Variants in PLEKHM3 observed in about 807,000 individuals in gnomAD.
PLEKHM3 encodes pleckstrin homology domain-containing family M member 3.
PLEKHM3 carries 45 observed loss-of-function variants against 81.8 expected under a neutral mutation model. That is an observed-to-expected ratio of 0.55 (90% CI 0.43 to 0.71). The LOEUF (loss-of-function observed/expected upper bound fraction) is 0.71, where lower values mean the gene tolerates loss of function less well. Ranked by LOEUF, PLEKHM3 falls within the 30% of genes least tolerant of loss-of-function variation. PLEKHM3 has a pLI of 0.00. For missense variants in PLEKHM3, 788 were observed against 924.3 expected, an observed-to-expected ratio of 0.85 and a Z score of 1.91; for synonymous variants, 352 against 356.4, an observed-to-expected ratio of 0.99 and a Z score of 0.14.
intron 6 of PLEKHM3, among the ~76,000 whole-genome samples, chr2:207,874,235 C>T (rs1384028430): frequency 1.3e-5 from 2 of 152,084 alleles, no homozygotes; most frequent in South Asian, 2.1e-4. Flanking sequence ...AGTTGTTAGC[C>T]ATCAGGGAAA....
intron 3 of PLEKHM3, among the ~76,000 whole-genome samples, chr2:207,955,741 G>A (rs1170014435): frequency 1.3e-5 from 2 of 151,846 alleles, no homozygotes; most frequent in Non-Finnish European, 2.9e-5. Flanking sequence ...TAAGACATTA[G>A]AAAAACTGTC....
chr2:207,831,597 G>C (rs2092288375), intron 7 of PLEKHM3, among the ~76,000 whole-genome samples: 1 of 152,194 alleles, frequency 6.6e-6, no homozygotes, highest in Non-Finnish European at 1.5e-5. Flanking sequence ...ACTAAAATGA[G>C]AAATATACTT....
intron 5 of PLEKHM3, among the ~76,000 whole-genome samples, chr2:207,918,521 CAACA>C (rs537716018): frequency 5.6e-4 from 85 of 151,600 alleles, no homozygotes; most frequent in African/African-American, 6.3e-4. Context: ...GACTCTGTCT[CAACA>C]AACAAACAAA....
intron 4 of PLEKHM3, among the ~76,000 whole-genome samples, chr2:207,941,466 T>C (rs1689937887): frequency 6.6e-6 from 1 of 151,900 alleles, no homozygotes; most frequent in African/African-American, 2.4e-5. Flanking sequence ...TATACAAAAA[T>C]CAAATAAAAA....
intron 7 of PLEKHM3, 43 bp from the exon 8 acceptor site, chr2:207,828,539 A>G (rs758827238): frequency 9.5e-6 from 15 of 1,579,624 alleles, no homozygotes; most frequent in Non-Finnish European, 1.2e-5. Flanking sequence ...GACTGAAGCC[A>G]GCAAGACACA....
chr2:207,946,553 C>A (rs776491290), intron 3 of PLEKHM3, 41 bp from the exon 4 acceptor site: 10 of 1,603,380 alleles, frequency 6.2e-6, no homozygotes, highest in African/African-American at 1.3e-5. Context: ...TGCTGTTGTA[C>A]TTTTAACACT....
At chr2:207,877,432 C>T (rs1416019025) in intron 6 of PLEKHM3, among the ~76,000 whole-genome samples, 1 of 152,212 alleles carries the variant, frequency 6.6e-6, no homozygotes, top group Non-Finnish European at 1.5e-5. Context: ...AGAGGGAAAC[C>T]ATCCACCGGG....
intron 7 of PLEKHM3, among the ~76,000 whole-genome samples, chr2:207,858,992 CTA>C (rs1447589772): frequency 1.3e-5 from 2 of 152,098 alleles, no homozygotes; most frequent in Non-Finnish European, 2.9e-5. Context: ...AACCGCTAAT[CTA>C]TTCTCTTTAT....
chr2:207,891,434 TTAAA>T (rs1260841356), intron 6 of PLEKHM3, among the ~76,000 whole-genome samples: 1 of 152,182 alleles, frequency 6.6e-6, no homozygotes, highest in Non-Finnish European at 1.5e-5. Flanking sequence ...AGGCATAAGT[TTAAA>T]TAAATTTCTT....
chr2:207,839,510 C>CT (rs1373804757), intron 7 of PLEKHM3, among the ~76,000 whole-genome samples: 1 of 152,128 alleles, frequency 6.6e-6, no homozygotes, highest in Non-Finnish European at 1.5e-5. Context: ...CTCTCTAAGA[C>CT]AATGCTCTTC....
At chr2:207,877,711 T>C (rs1399648067) in intron 6 of PLEKHM3, among the ~76,000 whole-genome samples, 1 of 152,194 alleles carries the variant, frequency 6.6e-6, no homozygotes, top group Non-Finnish European at 1.5e-5. Context: ...AAATGTTAAA[T>C]ATATTACTCA....
At chr2:207,916,467 C>T (rs1021692615) in intron 5 of PLEKHM3, among the ~76,000 whole-genome samples, 35 of 152,082 alleles carry the variant, frequency 2.3e-4, no homozygotes, top group African/African-American at 5.8e-4. Context: ...AGGCCGGGCA[C>T]GGTGGCTCAC....
chr2:207,889,897 G>A (rs1411398893), intron 6 of PLEKHM3, among the ~76,000 whole-genome samples: 5 of 152,104 alleles, frequency 3.3e-5, no homozygotes, highest in African/African-American at 1.2e-4. Flanking sequence ...TCTGTCTCCC[G>A]GGTTCAAGTG....
chr2:208,017,548 T>C (rs934695265), intron 1 of PLEKHM3, among the ~76,000 whole-genome samples: 2 of 152,174 alleles, frequency 1.3e-5, no homozygotes, highest in Non-Finnish European at 2.9e-5. Flanking sequence ...ACGGAATATC[T>C]CTTCTCAAAA....
intron 6 of PLEKHM3, among the ~76,000 whole-genome samples, chr2:207,890,828 G>C (rs1031150903): frequency 6.6e-6 from 1 of 152,114 alleles, no homozygotes; most frequent in Non-Finnish European, 1.5e-5. Context: ...ATTGCTTTTG[G>C]AGGATATGAT....
chr2:207,936,856 T>TGTG (rs1157966476), intron 4 of PLEKHM3, among the ~76,000 whole-genome samples: 1 of 150,570 alleles, frequency 6.6e-6, no homozygotes, highest in African/African-American at 2.4e-5. Flanking sequence ...AGTGTGTGTG[T>TGTG]GTGTGTGTGT....
In PLEKHM3 at chr2:207,861,392, T is replaced by C. The variant is rs1299152765; in HGVS notation, c.1951-130A>G. 7.5e-6 allele frequency: 8 copies of C among 1,071,962 alleles called. No homozygotes were observed. In the Admixed American group the frequency reaches 1.2e-4, roughly 16 times the overall value. The allele number at this position is 1,071,962 out of a possible 1,614,324, so 66.4% of individuals were successfully genotyped here. A position where few individuals can be genotyped will look rare whatever the true frequency, so the allele number is the denominator to read the frequency against. On this transcript the variant is annotated intron_variant, in intron 6 of 7. Coordinates refer to ENST00000427836, the MANE Select transcript of PLEKHM3 (RefSeq NM_001080475.3). Reference sequence around the variant, plus strand: ...TCTAATTATAATTTCTCAGCAACTCTGAGGAAGAAAAGACATAGTAGTTTT... The same window carrying C: ...TCTAATTATAATTTCTCAGCAACTCCGAGGAAGAAAAGACATAGTAGTTTT...
chr2:207,949,587 A>C (rs1245027762), intron 3 of PLEKHM3, among the ~76,000 whole-genome samples: 9 of 152,236 alleles, frequency 5.9e-5, no homozygotes, highest in Non-Finnish European at 1.3e-4. Flanking sequence ...ACTGTGGAAC[A>C]GAGTTCAGTG....
intron 6 of PLEKHM3, among the ~76,000 whole-genome samples, chr2:207,876,173 C>T (rs2092558939): frequency 6.6e-6 from 1 of 152,158 alleles, no homozygotes; most frequent in Non-Finnish European, 1.5e-5. Context: ...TCAGGCGATC[C>T]TCTGCCTTAG....
Sources: gnomAD v4.1 joint callset for allele counts (sites outside exome capture counted in the v4.1 genomes callset) on GRCh38, gnomAD v4.1.1 for gene constraint, MANE v1.5 for transcripts, NCBI Gene and HGNC (gene_info 2026-07-23, HGNC 2026-07-21) for gene names.